ABCC12: variants seen among roughly 807,000 people sequenced by gnomAD.
ABCC12 encodes ATP binding cassette subfamily C member 12.
ABCC12 carries 142 observed loss-of-function variants against 151.1 expected under a neutral mutation model. The observed-to-expected ratio is 0.94, with a 90% CI of 0.82 to 1.08. The LOEUF (loss-of-function observed/expected upper bound fraction) is 1.08, where lower values mean the gene tolerates loss of function less well. Ranked by LOEUF, ABCC12 falls within the 50% of genes least tolerant of loss-of-function variation. ABCC12 has a pLI of 0.00. For synonymous variants in ABCC12, 645 were observed against 646.4 expected, an observed-to-expected ratio of 1.00 and a Z score of 0.03; for missense variants, 1,638 against 1,691.1, an observed-to-expected ratio of 0.97 and a Z score of 0.55.
At chr16:48,116,747 T>C (rs1423818974) in intron 14 of ABCC12, among the ~76,000 whole-genome samples, 1 of 152,156 alleles carries the variant, frequency 6.6e-6, no homozygotes, top group South Asian at 2.1e-4. Flanking sequence ...TGAGGAAGAT[T>C]GTGCAGAGAG....
chr16:48,136,449 G>T (rs747266146), intron 8 of ABCC12, among the ~76,000 whole-genome samples: 1 of 152,014 alleles, frequency 6.6e-6, no homozygotes, highest in East Asian at 1.9e-4. Context: ...ATAGAATAAC[G>T]TGAATTCATG....
chr16:48,115,553 G>C lies in ABCC12; in HGVS notation c.1851C>G (p.Val617=), dbSNP rs375662287. The stretch of plus-strand genomic sequence containing the variant: ...GCAGGTAGAGCTGACGGTCGGAGTA[G>C]ACAGCGCGGGCCAGGCTAATCCTCT... ...QRQRISLARA[V]YSDRQLYLLD... is the part of the protein sequence containing the mutation. The change falls in exon 15 of 31, where the codon GTC becomes GTG. Residue 617 remains valine (V), a synonymous_variant. Transcript: ENST00000311303. The C allele has an allele frequency of 4.8e-5, 78 of 1,614,066 alleles. No individual in the cohort carries two copies. The highest frequency in any genetic ancestry group is 6.3e-5 in the Non-Finnish European group (74 of 1,180,034).
At position 48,104,327 on chromosome 16, in the gene ABCC12, A is replaced by C. The variant is rs201589346; in HGVS notation, c.2715T>G (p.Thr905=). Residue 905 remains threonine (T), a synonymous_variant, in exon 22 of 31, where the codon ACT becomes ACG. Transcript: ENST00000311303. The part of the protein sequence containing the change: ...SPMSFFDTTP[T]GRLMNRFSKD... ...TGGAAAAACGGTTCATTAGCCTGCC[A>C]GTGGGAGTCGTGTCAAAGAAACTCA... The C allele has an allele frequency of 5.3e-5, 85 of 1,614,236 alleles. No individual in the cohort carries two copies. In the East Asian group the frequency reaches 1.8e-3, roughly 34 times the overall value.
rs1157467747 is a variant in ABCC12, at chr16:48,081,626, T to C, written c.*2089A>G. On this transcript the variant is annotated 3_prime_UTR_variant, in exon 31 of 31. Coordinates refer to ENST00000311303, the MANE Select transcript of ABCC12 (RefSeq NM_001393797.1). ...GGGGTGAGATGAGGATTCAGTGAAATAATTCATGGAAAAAATGCTTGTCAC... is the reference window on the plus strand; with the variant it reads ...GGGGTGAGATGAGGATTCAGTGAAACAATTCATGGAAAAAATGCTTGTCAC... Among the ~76,000 whole-genome samples the C allele has an allele frequency of 6.6e-6, 1 of 152,142 alleles. No individual in the cohort carries two copies. The highest frequency in any genetic ancestry group is 2.4e-5 in the African/African-American group (1 of 41,426).
intron 13 of ABCC12, among the ~76,000 whole-genome samples, chr16:48,119,873 A>G (rs534441999): frequency 2.0e-5 from 3 of 152,122 alleles, no homozygotes; most frequent in African/African-American, 7.2e-5. Flanking sequence ...CCAAGACTCA[A>G]CTCTGACATT....
At chr16:48,089,495 G>A (rs1962787891) in intron 25 of ABCC12, among the ~76,000 whole-genome samples, 1 of 152,106 alleles carries the variant, frequency 6.6e-6, no homozygotes, top group African/African-American at 2.4e-5. Context: ...TCTAATTAAG[G>A]AGTAGAGCAG....
At position 48,148,378 on chromosome 16, in the gene ABCC12, AG is replaced by A. The variant is rs1567459745; in HGVS notation, c.-50-1905del. Among the ~76,000 whole-genome samples, 5 of 152,170 alleles carry A rather than the reference AG, an allele frequency of 3.3e-5. No individual in the cohort carries two copies. The South Asian group carries it at 1.0e-3, about 32-fold the overall frequency. Reference sequence around the variant, plus strand: ...CAGCTTCCCAAGTAGCAGGGACTACAGGCGTGCACCACCATGTCCAGCTAAT... The same window carrying A: ...CAGCTTCCCAAGTAGCAGGGACTACAGCGTGCACCACCATGTCCAGCTAAT... On this transcript the variant is annotated intron_variant, in intron 2 of 30. Transcript: ENST00000311303.
chr16:48,091,711 T>C (rs1962905024), intron 24 of ABCC12, among the ~76,000 whole-genome samples: 2 of 152,230 alleles, frequency 1.3e-5, no homozygotes, highest in African/African-American at 2.4e-5. Context: ...GACTGGGGCA[T>C]GTGGCTTGCT....
intron 2 of ABCC12, among the ~76,000 whole-genome samples, chr16:48,149,977 C>T (rs1965095681): frequency 6.6e-6 from 1 of 152,166 alleles, no homozygotes; most frequent in Non-Finnish European, 1.5e-5. Context: ...CTTAAGCACC[C>T]CTGGTGGGAA....
chr16:48,091,163 T>C lies in ABCC12; in HGVS notation c.3242A>G (p.Gln1081Arg), dbSNP rs776578282. 1.2e-6 allele frequency: 2 copies of C among 1,614,234 alleles called. No homozygotes were observed. Among genetic ancestry groups the C allele is most frequent in the Middle Eastern group, 1.6e-4 (1 of 6,062 alleles). ...QVCVRTGTETQAKFTSVELLR... is the reference protein window; with the variant it reads ...QVCVRTGTETRAKFTSVELLR... ...CAGCTCCACGGAGGTGAATTTGGCT[T>C]GCGTCTCTGTTCCCGTTCGCACACA... The change falls in exon 25 of 31, where the codon CAA becomes CGA. Residue 1081 changes from glutamine (Q) to arginine (R), a missense_variant. Physicochemically the swap from Gln to Arg is conservative, Grantham distance 43 (BLOSUM62 1). Coordinates refer to ENST00000311303, the MANE Select transcript of ABCC12 (RefSeq NM_001393797.1).
rs1962343565 is a variant in ABCC12, at chr16:48,081,518, G to A, written c.*2197C>T. 6.6e-6 allele frequency among the ~76,000 whole-genome samples: 1 copy of A among 152,142 alleles called. No homozygotes were observed. Among genetic ancestry groups the A allele is most frequent in the Admixed American group, 6.5e-5 (1 of 15,290 alleles). ...GGCCTGTGGAGCCAGACTGGTTAGG[G>A]TTCAAGCCCTATCTCTGTCCCTTCC... On this transcript the variant is annotated 3_prime_UTR_variant, in exon 31 of 31. Transcript: ENST00000311303.
intron 8 of ABCC12, among the ~76,000 whole-genome samples, chr16:48,135,139 G>A (rs1000519601): frequency 7.9e-5 from 12 of 151,564 alleles, no homozygotes; most frequent in Non-Finnish European, 1.0e-4. Flanking sequence ...CTGTAACTTC[G>A]CTTTCCTGAA....
chr16:48,151,550 C>T (rs767710886), intron 2 of ABCC12, among the ~76,000 whole-genome samples: 4 of 152,140 alleles, frequency 2.6e-5, no homozygotes, highest in African/African-American at 7.2e-5. Context: ...ATATACCATA[C>T]TAACATGAGA....
At chr16:48,142,168 G>A (rs1596630563) in intron 4 of ABCC12, among the ~76,000 whole-genome samples, 1 of 151,782 alleles carries the variant, frequency 6.6e-6, no homozygotes, top group African/African-American at 2.4e-5. Flanking sequence ...AAGCAGAAGA[G>A]GAGAGGAATA....
Position 48,146,237 on chromosome 16 carries a change from C to T in ABCC12, c.119+69G>A, listed in dbSNP as rs41280927. 187 of 1,400,812 alleles carry T rather than the reference C, an allele frequency of 1.3e-4. 1 individual carries two copies. Among genetic ancestry groups the T allele is most frequent in the Non-Finnish European group, 1.8e-4 (175 of 989,252 alleles). 86.8% of individuals were successfully genotyped at this position (1,400,812 alleles called of 1,614,324 possible). On this transcript the variant is annotated intron_variant, in intron 3 of 30. Transcript: ENST00000311303. ...CAGCAGATGGGTTGCAGGAGCAGTG[C>T]CCACTCTCCTGATGGACATTCCTGG...
rs766178592 is a variant in ABCC12 at position 48,141,264 on chromosome 16, C to T, written c.365G>A (p.Arg122His). Residue 122 changes from arginine (R) to histidine (H), a missense_variant, in exon 5 of 31, where the codon CGC (arginine) becomes CAC (histidine). By Grantham distance (29) the Arg-to-His change is conservative (BLOSUM62 0). Transcript: ENST00000311303. ...SHVVWKFQRT[R>H]VLMDIVANIL... Reference sequence around the variant, plus strand: ...GTTGGCCACGATGTCCATCAACACGCGTGTCCTCTGGAATTTCCACACCAC... The same window carrying T: ...GTTGGCCACGATGTCCATCAACACGTGTGTCCTCTGGAATTTCCACACCAC... The T allele has an allele frequency of 9.7e-5, 157 of 1,614,130 alleles. No individual in the cohort carries two copies. Among genetic ancestry groups the T allele is most frequent in the South Asian group, 8.8e-4 (80 of 91,086 alleles).
At chr16:48,147,446 C>T (rs74018292) in intron 2 of ABCC12, among the ~76,000 whole-genome samples, 4,889 of 152,272 alleles carry the variant, frequency 0.032, 244 homozygotes, top group African/African-American at 0.11. Context: ...AACGGGGTCA[C>T]ATTCCCATGA....
intron 22 of ABCC12, among the ~76,000 whole-genome samples, chr16:48,102,981 T>C (rs1597307092): frequency 6.6e-6 from 1 of 152,198 alleles, no homozygotes; most frequent in African/African-American, 2.4e-5. Flanking sequence ...TCCTCATTAA[T>C]TCTCTCACAC....
chr16:48,085,974 T>A (rs1962579881), intron 28 of ABCC12, among the ~76,000 whole-genome samples: 1 of 152,100 alleles, frequency 6.6e-6, no homozygotes, highest in South Asian at 2.1e-4. Flanking sequence ...GCAGATGCAG[T>A]CCCAGAGAGC....
Sources: allele counts gnomAD v4.1 joint callset (sites outside exome capture counted in the v4.1 genomes callset), GRCh38; gene constraint gnomAD v4.1.1; transcripts MANE v1.5; gene names NCBI Gene and HGNC (gene_info 2026-07-23, HGNC 2026-07-21).